CCNI: variants seen among roughly 807,000 people sequenced by gnomAD.
CCNI encodes the protein cyclin-I.
Under a neutral mutation model 34.1 loss-of-function variants are expected in CCNI, and 14 were observed. That is an observed-to-expected ratio of 0.41 (90% CI 0.27 to 0.64). The LOEUF (loss-of-function observed/expected upper bound fraction) is 0.64, where lower values mean the gene tolerates loss of function less well. Ranked by LOEUF, CCNI falls within the 30% of genes least tolerant of loss-of-function variation. CCNI has a pLI of 0.31. For synonymous variants in CCNI, 154 were observed against 158.4 expected, an observed-to-expected ratio of 0.97 and a Z score of 0.21; for missense variants, 385 against 440.5, an observed-to-expected ratio of 0.87 and a Z score of 1.13.
chr4:77,055,549 G>A (rs1344396782), intron 5 of CCNI, among the ~76,000 whole-genome samples, 169 bp from the exon 6 acceptor site: 1 of 148,566 alleles, frequency 6.7e-6, no homozygotes, highest in Non-Finnish European at 1.5e-5. Context: ...TGCAACATCC[G>A]CCTCCTGGAT....
intron 2 of CCNI, among the ~76,000 whole-genome samples, chr4:77,058,976 C>G (rs1384913070): frequency 6.6e-6 from 1 of 151,874 alleles, no homozygotes; most frequent in Non-Finnish European, 1.5e-5. Context: ...GTTAAGTTAC[C>G]CCACCTCTTA....
intron 2 of CCNI, among the ~76,000 whole-genome samples, chr4:77,058,953 A>T (rs991658397): frequency 3.5e-5 from 5 of 143,598 alleles, no homozygotes; most frequent in Non-Finnish European, 7.8e-5. Flanking sequence ...TTATCAACTG[A>T]TAGTAATTTG....
At chr4:77,069,477 A>G (rs1729298626) in intron 1 of CCNI, among the ~76,000 whole-genome samples, 1 of 151,874 alleles carries the variant, frequency 6.6e-6, no homozygotes, top group South Asian at 2.1e-4. Context: ...TCTAGGGTAC[A>G]TGTGCACAAA....
intron 1 of CCNI, among the ~76,000 whole-genome samples, chr4:77,067,907 G>A (rs1287072164): frequency 6.6e-6 from 1 of 151,822 alleles, no homozygotes; most frequent in Non-Finnish European, 1.5e-5. Context: ...GCTGGGCACG[G>A]TGGCTCACAC....
At position 77,056,342 on chromosome 4, in the gene CCNI, A is replaced by T. The variant is rs1728227996; in HGVS notation, c.244-19T>A. 2 of 1,576,650 alleles carry T rather than the reference A, an allele frequency of 1.3e-6. No individual in the cohort carries two copies. Among genetic ancestry groups the T allele is most frequent in the South Asian group, 2.2e-5 (2 of 89,468 alleles). On this transcript the variant is annotated intron_variant, in intron 3 of 6. Transcript: ENST00000237654. Reference sequence around the variant, plus strand: ...GATGAGCCTAAAATTTTGAAGAGGGAAAAAGCAACTTTAGTGATTTTTCAA... The same window carrying T: ...GATGAGCCTAAAATTTTGAAGAGGGTAAAAGCAACTTTAGTGATTTTTCAA...
chr4:77,048,774 C>CT lies in CCNI; in HGVS notation c.691-113dup, dbSNP rs1199122220. 9 of 635,092 alleles carry CT rather than the reference C, an allele frequency of 1.4e-5. No individual in the cohort carries two copies. In the African/African-American group the frequency reaches 1.6e-4, roughly 11 times the overall value. The allele number at this position is 635,092 out of a possible 1,614,324, so 39.3% of individuals were successfully genotyped here. Reference sequence around the variant, plus strand: ...CCTGTGCTTTCCGTCCCCGCTGAGTCTTTTCTCTCCCCACATCTACCTCCA... The same window carrying CT: ...CCTGTGCTTTCCGTCCCCGCTGAGTCTTTTTCTCTCCCCACATCTACCTCCA... On this transcript the variant is annotated intron_variant, in intron 6 of 6. Transcript: ENST00000237654.
At chr4:77,057,453 G>A (rs2109807283) in intron 3 of CCNI, among the ~76,000 whole-genome samples, 1 of 152,264 alleles carries the variant, frequency 6.6e-6, no homozygotes, top group Admixed American at 6.5e-5. Context: ...AGTTTGAGCA[G>A]CTATTCAGTC....
intron 1 of CCNI, among the ~76,000 whole-genome samples, chr4:77,072,859 A>G (rs1319630929): frequency 6.6e-6 from 1 of 152,162 alleles, no homozygotes; most frequent in Non-Finnish European, 1.5e-5. Context: ...TTCTTGTGAA[A>G]TATTTAGCAG....
intron 1 of CCNI, among the ~76,000 whole-genome samples, chr4:77,072,281 A>C (rs570794966): frequency 6.6e-6 from 1 of 151,886 alleles, no homozygotes; most frequent in African/African-American, 2.4e-5. Context: ...GAAAGCTAAC[A>C]AAGAAAAAGT....
In CCNI at chr4:77,066,326, A is replaced by G; in HGVS notation, c.37T>C (p.Ser13Pro). 1 of 1,613,568 alleles carries G rather than the reference A, an allele frequency of 6.2e-7. No homozygotes were observed. Among genetic ancestry groups the G allele is most frequent in the East Asian group, 2.2e-5 (1 of 44,868 alleles). The change falls in exon 2 of 7, where the codon TCT becomes CCT. Residue 13 changes from serine (S) to proline (P), a missense_variant. Ser to Pro is a moderately conservative substitution (Grantham distance 74). Coordinates refer to ENST00000237654, the MANE Select transcript of CCNI (RefSeq NM_006835.3). Reference protein sequence around the residue: ...FPGPLENQRLSFLLEKAITRE... With the variant: ...FPGPLENQRLPFLLEKAITRE... Reference sequence around the variant, plus strand: ...GTGATTGCCTTTTCCAACAGGAAAGACAATCTCTGGTTTTCCAAAGGCCCT... The same window carrying G: ...GTGATTGCCTTTTCCAACAGGAAAGGCAATCTCTGGTTTTCCAAAGGCCCT...
At chr4:77,052,183 C>T (rs1456822193) in intron 6 of CCNI, among the ~76,000 whole-genome samples, 1 of 148,504 alleles carries the variant, frequency 6.7e-6, no homozygotes. Flanking sequence ...GTGTACCCAA[C>T]GTTTAGCTCC....
intron 6 of CCNI, among the ~76,000 whole-genome samples, chr4:77,052,841 A>C (rs1727960841): frequency 6.6e-6 from 1 of 152,226 alleles, no homozygotes. Context: ...GTCCTAAAGA[A>C]CTAGGAGCCA....
chr4:77,058,083 G>A (rs1251947362), intron 3 of CCNI, among the ~76,000 whole-genome samples: 3 of 152,208 alleles, frequency 2.0e-5, no homozygotes, highest in Admixed American at 2.0e-4. Context: ...AGCCGGGAGT[G>A]GTGGCTCATG....
In CCNI at chr4:77,048,595, G is replaced by A; in HGVS notation, c.758C>T (p.Ser253Phe). 6.2e-7 allele frequency: 1 copy of A among 1,604,908 alleles called. No homozygotes were observed. The highest frequency in any genetic ancestry group is 8.5e-7 in the Non-Finnish European group (1 of 1,174,838). The stretch of plus-strand genomic sequence containing the variant: ...GACATAAACGGAATTCAGAGGCAGG[G>A]AAGACTGCAGAGTAGAAAGGTGATG... ...VAHHLSTLQS[S>F]LPLNSVYVYR... The change falls in exon 7 of 7, where the codon TCC becomes TTC. Residue 253 changes from serine (S) to phenylalanine (F), a missense_variant. This residue lies in a region of CCNI where 250 missense variants were observed against 248.7 expected (regional missense o/e 1.01). Coordinates refer to ENST00000237654, the MANE Select transcript of CCNI (RefSeq NM_006835.3).
rs1244018642 is a variant in CCNI, at chr4:77,075,549, G to A, written c.-121C>T. Reference sequence around the variant, plus strand: ...CAGTGGTGACGCGGGGTCATCCGGGGGCCCGTTACCACCTCATTCTCATAG... The same window carrying A: ...CAGTGGTGACGCGGGGTCATCCGGGAGCCCGTTACCACCTCATTCTCATAG... On this transcript the variant is annotated 5_prime_UTR_variant, in exon 1 of 7. Transcript: ENST00000237654. 2 of 988,622 alleles carry A rather than the reference G, an allele frequency of 2.0e-6. No homozygotes were observed. The highest frequency in any genetic ancestry group is 2.4e-6 in the Non-Finnish European group (2 of 830,742). 61.2% of individuals were successfully genotyped at this position (988,622 alleles called of 1,614,324 possible). A position where few individuals can be genotyped will look rare whatever the true frequency, so the allele number is the denominator to read the frequency against.
At chr4:77,072,789 C>T (rs1165841512) in intron 1 of CCNI, among the ~76,000 whole-genome samples, 1 of 151,912 alleles carries the variant, frequency 6.6e-6, no homozygotes, top group Non-Finnish European at 1.5e-5. Flanking sequence ...GTCAATGTAT[C>T]AAATGCTAAA....
At chr4:77,053,502 AG>A (rs1728010323) in intron 6 of CCNI, among the ~76,000 whole-genome samples, 1 of 152,222 alleles carries the variant, frequency 6.6e-6, no homozygotes, top group Admixed American at 6.5e-5. Context: ...CTTACAAAAG[AG>A]TATCAGATTT....
rs4252762 is a variant in CCNI at position 77,075,587 on chromosome 4, G to T, written c.-159C>A. ...CTCATTCTCATAGGCGCGCGGAGGC[G>T]GTGCGCGCGGGACGACTCGGCCAAC... On this transcript the variant is annotated 5_prime_UTR_variant, in exon 1 of 7. Coordinates refer to ENST00000237654, the MANE Select transcript of CCNI (RefSeq NM_006835.3). The T allele has an allele frequency of 1.0e-6, 1 of 987,998 alleles. No homozygotes were observed. Among genetic ancestry groups the T allele is most frequent in the Non-Finnish European group, 1.2e-6 (1 of 830,254 alleles). The allele number at this position is 987,998 out of a possible 1,614,324, so 61.2% of individuals were successfully genotyped here.
chr4:77,058,501 A>G lies in CCNI; in HGVS notation c.243+6T>C. ...GTTATATGTAAGTCTATCTTAAAACACTTACCTTTACGGTAGCTAAAAACC... is the reference window on the plus strand; with the variant it reads ...GTTATATGTAAGTCTATCTTAAAACGCTTACCTTTACGGTAGCTAAAAACC... On this transcript the variant is annotated splice_donor_region_variant and intron_variant, in intron 3 of 6. Transcript: ENST00000237654. 1 of 1,610,830 alleles carries G rather than the reference A, an allele frequency of 6.2e-7. No individual in the cohort carries two copies. Among genetic ancestry groups the G allele is most frequent in the Non-Finnish European group, 8.5e-7 (1 of 1,178,330 alleles).
Sources: gnomAD v4.1 joint callset for allele counts (sites outside exome capture counted in the v4.1 genomes callset) on GRCh38, gnomAD v4.1.1 for gene constraint, gnomAD v4.1.1 regional missense constraint, MANE v1.5 for transcripts, NCBI Gene and HGNC (gene_info 2026-07-23, HGNC 2026-07-21) for gene names.